The following CSMD3 variants were observed in gnomAD, a reference collection of about 807,000 sequenced individuals.
The protein encoded by CSMD3 is CUB and sushi domain-containing protein 3.
In CSMD3, 177 loss-of-function variants were observed where a neutral mutation model predicts 435.2. That is an observed-to-expected ratio of 0.41 (90% confidence interval 0.36 to 0.46). The LOEUF (loss-of-function observed/expected upper bound fraction) is 0.46. Among genes scored for constraint, CSMD3 ranks in the 20% least tolerant of loss-of-function variants. The probability of loss-of-function intolerance (pLI) is 0.34; values close to 1 mark genes in which losing one functional copy is unlikely to be tolerated. For missense variants in CSMD3, 4,265 were observed against 4,504.6 expected, an observed-to-expected ratio of 0.95 and a Z score of 1.52; for synonymous variants, 1,656 against 1,520.5, an observed-to-expected ratio of 1.09 and a Z score of -2.07.
chr8:112,987,288 G>A (rs1301865641), intron 6 of CSMD3, among the ~76,000 whole-genome samples: 1 of 151,968 alleles, frequency 6.6e-6, no homozygotes, highest in Non-Finnish European at 1.5e-5. Context: ...CTTTATAAAG[G>A]TAATGAAAAC....
chr8:112,758,374 G>GA (rs1285814664), intron 13 of CSMD3, among the ~76,000 whole-genome samples: 1 of 151,550 alleles, frequency 6.6e-6, no homozygotes, highest in East Asian at 1.9e-4. Flanking sequence ...TTTAAAAAAG[G>GA]AAAAAAATAT....
chr8:113,266,758 A>C (rs557204604), intron 3 of CSMD3, among the ~76,000 whole-genome samples: 7 of 151,760 alleles, frequency 4.6e-5, no homozygotes, highest in Non-Finnish European at 4.4e-5. Flanking sequence ...ATAATGTTTT[A>C]ATTAGTAATA....
intron 27 of CSMD3, among the ~76,000 whole-genome samples, chr8:112,549,601 A>T (rs1412306324): frequency 2.0e-5 from 3 of 151,978 alleles, no homozygotes. Flanking sequence ...CTTCCTTCAT[A>T]CTTTTTTAAA....
At chr8:112,762,112 T>A (rs574832379) in intron 13 of CSMD3, among the ~76,000 whole-genome samples, 1 of 151,988 alleles carries the variant, frequency 6.6e-6, no homozygotes, top group African/African-American at 2.4e-5. Context: ...CATTCTTGTG[T>A]CTTTGATCAT....
At chr8:113,275,948 G>A (rs1049701866) in intron 3 of CSMD3, among the ~76,000 whole-genome samples, 2 of 152,030 alleles carry the variant, frequency 1.3e-5, no homozygotes, top group Non-Finnish European at 2.9e-5. Flanking sequence ...TGTAATTTGA[G>A]GTAACTGCAG....
At chr8:113,087,780 T>C (rs2089850797) in intron 5 of CSMD3, among the ~76,000 whole-genome samples, 1 of 152,122 alleles carries the variant, frequency 6.6e-6, no homozygotes, top group Non-Finnish European at 1.5e-5. Flanking sequence ...GGCAATACCA[T>C]TCAGGACATA....
In CSMD3 at chr8:112,335,491, G is replaced by A. The variant is rs755243831; in HGVS notation, c.7020-17C>T. 63 of 1,612,296 alleles carry A rather than the reference G, an allele frequency of 3.9e-5. No homozygotes were observed. The highest frequency in any genetic ancestry group is 4.9e-5 in the Non-Finnish European group (58 of 1,178,584). On this transcript the variant is annotated splice_polypyrimidine_tract_variant and intron_variant, in intron 44 of 70. Coordinates refer to ENST00000297405, the MANE Select transcript of CSMD3 (RefSeq NM_198123.2). ...GGTCCATCCCTATGAGACAAGGATT[G>A]GGAAAGGAGGAGAGATCAAGATTGA...
chr8:112,805,692 C>T (rs907302329), intron 12 of CSMD3, among the ~76,000 whole-genome samples: 4 of 152,200 alleles, frequency 2.6e-5, no homozygotes, highest in Admixed American at 1.3e-4. Context: ...GTTTTTTCTC[C>T]GATTTATCTA....
At chr8:112,342,170 A>G (rs1825184546) in intron 41 of CSMD3, among the ~76,000 whole-genome samples, 2 of 152,096 alleles carry the variant, frequency 1.3e-5, no homozygotes, top group South Asian at 4.1e-4. Flanking sequence ...TCTCAGAAAT[A>G]TAACGTATAT....
intron 10 of CSMD3, among the ~76,000 whole-genome samples, chr8:112,916,311 A>G (rs1226796851): frequency 6.6e-6 from 1 of 151,872 alleles, no homozygotes; most frequent in African/African-American, 2.4e-5. Context: ...TAAGTGATCT[A>G]TCTTCTACTA....
At chr8:112,383,057 A>C (rs1829622195) in intron 37 of CSMD3, among the ~76,000 whole-genome samples, 1 of 152,180 alleles carries the variant, frequency 6.6e-6, no homozygotes, top group Non-Finnish European at 1.5e-5. Flanking sequence ...ATAAAAATAT[A>C]AGACTTCTAT....
In CSMD3 at chr8:112,363,363, CG is replaced by C. The variant is rs200911442; in HGVS notation, c.6137-10830del. On this transcript the variant is annotated intron_variant, in intron 38 of 70. Coordinates refer to ENST00000297405, the MANE Select transcript of CSMD3 (RefSeq NM_198123.2). ...AAAAAGTATACTTTTCTTCTTGTCACGAAGGGTATATTTCTGTTTAAGATCA... is the reference window on the plus strand; with the variant it reads ...AAAAAGTATACTTTTCTTCTTGTCACAAGGGTATATTTCTGTTTAAGATCA... Among the ~76,000 whole-genome samples, 17 of 151,924 alleles carry C rather than the reference CG, an allele frequency of 1.1e-4. No individual in the cohort carries two copies. The East Asian group carries it at 3.1e-3, about 28-fold the overall frequency.
chr8:113,012,763 T>A (rs774928272), intron 6 of CSMD3, among the ~76,000 whole-genome samples: 87 of 152,132 alleles, frequency 5.7e-4, no homozygotes, highest in Non-Finnish European at 9.7e-4. Context: ...CATAGCAGTG[T>A]GGGAGCAGAC....
intron 9 of CSMD3, among the ~76,000 whole-genome samples, chr8:112,931,493 A>T (rs1314899155): frequency 1.5e-5 from 2 of 133,218 alleles, no homozygotes; most frequent in South Asian, 4.8e-4. Context: ...TAAAACTACT[A>T]AAAAAAAAAA....
At chr8:112,698,791 T>G (rs1405123016) in intron 13 of CSMD3, among the ~76,000 whole-genome samples, 1 of 152,154 alleles carries the variant, frequency 6.6e-6, no homozygotes, top group Non-Finnish European at 1.5e-5. Context: ...AGGTGAAAGG[T>G]GAAGCCGGCT....
At chr8:112,405,258 TAC>T (rs1831742255) in intron 35 of CSMD3, among the ~76,000 whole-genome samples, 1 of 120,582 alleles carries the variant, frequency 8.3e-6, no homozygotes, top group African/African-American at 3.3e-5. Context: ...CATATATATA[TAC>T]ACATATCTTA....
intron 61 of CSMD3, among the ~76,000 whole-genome samples, chr8:112,259,968 C>T (rs1219676227): frequency 6.6e-6 from 1 of 152,138 alleles, no homozygotes; most frequent in African/African-American, 2.4e-5. Context: ...CTAAACTCCT[C>T]AATCCCCCAG....
intron 6 of CSMD3, chr8:113,018,823 G>T: frequency 2.0e-6 from 1 of 497,058 alleles, no homozygotes; most frequent in South Asian, 2.5e-5. Flanking sequence ...TATTGCATCT[G>T]CTACATACTA....
At chr8:112,276,772 G>T (rs941294526) in intron 59 of CSMD3, among the ~76,000 whole-genome samples, 1 of 152,194 alleles carries the variant, frequency 6.6e-6, no homozygotes, top group African/African-American at 2.4e-5. Flanking sequence ...AATCTAGGTA[G>T]ATGTTCCAAA....
Sources: allele counts gnomAD v4.1 joint callset (sites outside exome capture counted in the v4.1 genomes callset), GRCh38; gene constraint gnomAD v4.1.1; transcripts MANE v1.5; gene names NCBI Gene and HGNC (gene_info 2026-07-23, HGNC 2026-07-21).